TNKS: variants seen among roughly 807,000 people sequenced by gnomAD.
TNKS encodes tankyrase.
Under a neutral mutation model 135.8 loss-of-function variants are expected in TNKS, and 72 were observed. The observed-to-expected ratio is 0.53, with a 90% CI of 0.44 to 0.64. The LOEUF (loss-of-function observed/expected upper bound fraction) is 0.64, where lower values mean the gene tolerates loss of function less well. TNKS is among the 30% of genes least tolerant of loss of function. The pLI, the probability that TNKS is intolerant of heterozygous loss-of-function variation, is 0.00. For synonymous variants in TNKS, 849 were observed against 649.3 expected (o/e 1.31, Z -4.68); for missense variants, 1,769 against 1,674.0 (o/e 1.06, Z -0.99).
At chr8:9,659,030 A>T (rs1344448534) in intron 3 of TNKS, among the ~76,000 whole-genome samples, 1 of 152,210 alleles carries the variant, frequency 6.6e-6, no homozygotes, top group Non-Finnish European at 1.5e-5. Flanking sequence ...CACAAGAAGA[A>T]CTAACTATCA....
intron 5 of TNKS, 61 bp downstream of exon 5, chr8:9,680,861 C>CATAT: frequency 8.1e-7 from 1 of 1,236,586 alleles, no homozygotes; most frequent in Non-Finnish European, 1.2e-6. Flanking sequence ...GTGAATGTGG[C>CATAT]ATATATATAT....
chr8:9,615,657 C>T lies in TNKS; in HGVS notation c.974C>T (p.Ser325Leu). 6.2e-7 allele frequency: 1 copy of T among 1,612,882 alleles called. No individual in the cohort carries two copies. The highest frequency in any genetic ancestry group is 8.5e-7 in the Non-Finnish European group (1 of 1,179,430). Residue 325 changes from serine to leucine, a missense_variant, in exon 3 of 27, where the codon TCA (serine) becomes TTA (leucine). Physicochemically the swap from Ser to Leu is moderately radical, Grantham distance 145. Around this residue, in one of 5 missense-constraint regions of TNKS, gnomAD observed 523 missense variants for 541.0 expected, o/e 0.97. Coordinates refer to ENST00000310430, the MANE Select transcript of TNKS (RefSeq NM_003747.3). ...TCAGCCCTGGACCTGGCAGATCCTT[C>T]AGCAAAAGCTGTCCTTACAGGTAAG... is the stretch of plus-strand genomic sequence containing the variant. ...GKSALDLADP[S>L]AKAVLTGEYK... is the part of the protein sequence containing the mutation.
At chr8:9,576,482 T>G (rs948465772) in intron 1 of TNKS, among the ~76,000 whole-genome samples, 6 of 149,422 alleles carry the variant, frequency 4.0e-5, no homozygotes, top group African/African-American at 1.5e-4. Flanking sequence ...TTTTTTTTTT[T>G]TTTTTTGAGA....
chr8:9,735,957 C>G (rs1410943761), intron 17 of TNKS, among the ~76,000 whole-genome samples: 1 of 151,720 alleles, frequency 6.6e-6, no homozygotes, highest in East Asian at 1.9e-4. Flanking sequence ...GTGTATCTTC[C>G]CGGCTAAGCT....
At chr8:9,766,180 G>GA (rs1484309386) in intron 24 of TNKS, 59 bp from the exon 25 acceptor site, 9 of 1,430,378 alleles carry the variant, frequency 6.3e-6, no homozygotes, top group Admixed American at 1.9e-5. Flanking sequence ...ATAGTGTGCA[G>GA]GTAATTGAGC....
In TNKS at chr8:9,766,418, T is replaced by C; in HGVS notation, c.3733T>C (p.Cys1245Arg). Residue 1245 changes from cysteine (C) to arginine (R), a missense_variant, in exon 25 of 27, where the codon TGT becomes CGT. Coordinates refer to ENST00000310430, the MANE Select transcript of TNKS (RefSeq NM_003747.3). ...PTHKDRSCYI[C>R]HRQMLFCRVT... ...ACACAAGGACAGGTCATGCTATATATGTCACAGGTAAGCATCTTGCCATTA... is the reference window on the plus strand; with the variant it reads ...ACACAAGGACAGGTCATGCTATATACGTCACAGGTAAGCATCTTGCCATTA... The C allele has an allele frequency of 6.3e-7, 1 of 1,588,040 alleles. No homozygotes were observed.
At chr8:9,704,331 T>C (rs1384603191) in intron 5 of TNKS, among the ~76,000 whole-genome samples, 4 of 152,148 alleles carry the variant, frequency 2.6e-5, no homozygotes, top group Non-Finnish European at 5.9e-5. Context: ...TTTCCAATTA[T>C]AGGAAACATG....
intron 3 of TNKS, among the ~76,000 whole-genome samples, chr8:9,639,519 CTTTT>C (rs34044932): frequency 7.1e-6 from 1 of 140,230 alleles, no homozygotes. Context: ...TTATCTAAGC[CTTTT>C]TTTTTTTTGG....
At chr8:9,671,707 C>T (rs1802276974) in intron 3 of TNKS, among the ~76,000 whole-genome samples, 1 of 152,128 alleles carries the variant, frequency 6.6e-6, no homozygotes, top group South Asian at 2.1e-4. Context: ...TTTTTCAAAA[C>T]CCACAGAACC....
intron 2 of TNKS, among the ~76,000 whole-genome samples, chr8:9,585,657 C>G (rs1798349288): frequency 6.6e-6 from 1 of 152,190 alleles, no homozygotes; most frequent in African/African-American, 2.4e-5. Context: ...AAGAACAGTT[C>G]TGCAGCCTTT....
intron 17 of TNKS, chr8:9,740,854 G>C (rs189272042): frequency 2.5e-3 from 181 of 72,202 alleles, no homozygotes; most frequent in African/African-American, 8.3e-3. Flanking sequence ...TTTGAGAACA[G>C]GTCGGACTGC....
At chr8:9,756,644 C>T (rs979182130) in intron 20 of TNKS, among the ~76,000 whole-genome samples, 14 of 152,230 alleles carry the variant, frequency 9.2e-5, no homozygotes, top group African/African-American at 3.4e-4. Flanking sequence ...ATCCAACTAA[C>T]CTGCTTTCCA....
chr8:9,653,893 C>T (rs1302466433), intron 3 of TNKS, among the ~76,000 whole-genome samples: 6 of 152,084 alleles, frequency 3.9e-5, no homozygotes, highest in African/African-American at 1.2e-4. Context: ...CCCTCTAGTC[C>T]TTTCCCTGCT....
At chr8:9,748,403 GTTAAT>G (rs1475177567) in intron 18 of TNKS, among the ~76,000 whole-genome samples, 191 bp downstream of exon 18, 1 of 152,208 alleles carries the variant, frequency 6.6e-6, no homozygotes, top group Non-Finnish European at 1.5e-5. Context: ...TAAACAGTAA[GTTAAT>G]TTAATTTTTT....
chr8:9,735,005 A>G lies in TNKS; in HGVS notation c.2454A>G (p.Arg818=). The G allele has an allele frequency of 6.2e-7, 1 of 1,614,140 alleles. No homozygotes were observed. The stretch of plus-strand genomic sequence containing the variant: ...CTGCCAAGAAGGGCTGCCTGGCAAG[A>G]GTGCAGAAGCTCTGTACCCCAGAGA... ...LDAAKKGCLA[R]VQKLCTPENI... The change falls in exon 16 of 27, where the codon AGA becomes AGG. Residue 818 remains arginine, a synonymous_variant. Coordinates refer to ENST00000310430, the MANE Select transcript of TNKS (RefSeq NM_003747.3).
chr8:9,692,614 G>C (rs1356040595), intron 5 of TNKS, among the ~76,000 whole-genome samples: 1 of 152,158 alleles, frequency 6.6e-6, no homozygotes, highest in Non-Finnish European at 1.5e-5. Flanking sequence ...ACTCGTAATG[G>C]GAGAGAAAAC....
chr8:9,610,321 C>T (rs1016025628), intron 2 of TNKS, among the ~76,000 whole-genome samples: 7 of 150,950 alleles, frequency 4.6e-5, no homozygotes, highest in East Asian at 3.9e-4. Context: ...TGTATTATTA[C>T]GGTATAATAT....
intron 3 of TNKS, among the ~76,000 whole-genome samples, chr8:9,636,939 C>T (rs991382819): frequency 1.3e-5 from 2 of 152,114 alleles, no homozygotes; most frequent in African/African-American, 4.8e-5. Flanking sequence ...TTTAGAGTAC[C>T]TTAATATTGT....
intron 3 of TNKS, among the ~76,000 whole-genome samples, chr8:9,631,247 C>T (rs896765194): frequency 7.9e-5 from 12 of 152,164 alleles, no homozygotes; most frequent in African/African-American, 2.9e-4. Flanking sequence ...TTCTGAAGGA[C>T]ATCAAAAGGG....
Sources: allele counts gnomAD v4.1 joint callset (sites outside exome capture counted in the v4.1 genomes callset), GRCh38; gene constraint gnomAD v4.1.1; regional missense constraint gnomAD v4.1.1; transcripts MANE v1.5; gene names NCBI Gene and HGNC (gene_info 2026-07-23, HGNC 2026-07-21).